The following QSER1 variants were observed in gnomAD, a reference collection of about 807,000 sequenced individuals.
QSER1 encodes the protein glutamine and serine rich 1, also known as glutamine and serine-rich protein 1.
QSER1 carries 49 observed loss-of-function variants against 158.5 expected under a neutral mutation model. That is an observed-to-expected ratio of 0.31 (90% CI 0.25 to 0.39). The LOEUF is 0.39. Among genes scored for constraint, QSER1 ranks in the 10% least tolerant of loss-of-function variants. QSER1 has a pLI of 1.00. For missense variants in QSER1, 1,754 were observed against 2,010.3 expected, an observed-to-expected ratio of 0.87 and a Z score of 2.44; for synonymous variants, 650 against 715.5, an observed-to-expected ratio of 0.91 and a Z score of 1.46.
intron 1 of QSER1, among the ~76,000 whole-genome samples, chr11:32,915,671 A>G (rs1851821847): frequency 6.6e-6 from 1 of 152,232 alleles, no homozygotes; most frequent in African/African-American, 2.4e-5. Context: ...ATTAAAAAAT[A>G]AACAATCTCA....
Position 32,976,631 on chromosome 11 carries a change from C to T in QSER1, c.*157C>T. On this transcript the variant is annotated 3_prime_UTR_variant, in exon 13 of 13. Coordinates refer to ENST00000650167, the MANE Select transcript of QSER1 (RefSeq NM_001076786.3). ...CTCTGCTGAAGGACAGTGGTGCGGC[C>T]TTTAGGAACGAAGTTAGTCCTCTGG... 6 of 749,566 alleles carry T rather than the reference C, an allele frequency of 8.0e-6. No homozygotes were observed. Among genetic ancestry groups the T allele is most frequent in the Non-Finnish European group, 1.3e-5 (6 of 461,472 alleles). 46.4% of individuals were successfully genotyped at this position (749,566 alleles called of 1,614,324 possible).
intron 1 of QSER1, among the ~76,000 whole-genome samples, chr11:32,905,678 G>A (rs1261935566): frequency 6.6e-6 from 1 of 152,068 alleles, no homozygotes; most frequent in Non-Finnish European, 1.5e-5. Context: ...GTAATGATTA[G>A]AATTGTTTCT....
intron 4 of QSER1, among the ~76,000 whole-genome samples, chr11:32,939,996 T>G (rs1852207089): frequency 6.8e-6 from 1 of 147,272 alleles, no homozygotes; most frequent in African/African-American, 2.5e-5. Context: ...GGCTTTGACA[T>G]AATTCTCTGC....
At chr11:32,973,059 T>C (rs1374473480) in intron 10 of QSER1, among the ~76,000 whole-genome samples, 2 of 152,236 alleles carry the variant, frequency 1.3e-5, no homozygotes, top group Non-Finnish European at 2.9e-5. Flanking sequence ...AAAGAACTCT[T>C]GGCCCTGTTA....
intron 8 of QSER1, among the ~76,000 whole-genome samples, chr11:32,959,890 T>C (rs1852590749): frequency 6.6e-6 from 1 of 151,934 alleles, no homozygotes; most frequent in South Asian, 2.1e-4. Flanking sequence ...GCCTCCTGAG[T>C]AGCTGGGACT....
chr11:32,967,675 C>T (rs1215446763), intron 9 of QSER1, among the ~76,000 whole-genome samples: 1 of 152,084 alleles, frequency 6.6e-6, no homozygotes, highest in African/African-American at 2.4e-5. Flanking sequence ...CTTAGACAGC[C>T]ATTTTGTGGA....
At position 32,932,370 on chromosome 11, in the gene QSER1, C is replaced by T. The variant is rs748950539; in HGVS notation, c.1112C>T (p.Thr371Ile). 11 of 1,612,422 alleles carry T rather than the reference C, an allele frequency of 6.8e-6. No homozygotes were observed. The highest frequency in any genetic ancestry group is 2.2e-5 in the East Asian group (1 of 44,888). The change falls in exon 4 of 13, where the codon ACT becomes ATT. Residue 371 changes from threonine (T) to isoleucine (I), a missense_variant. Thr to Ile is a moderately conservative substitution (Grantham distance 89). Around this residue, in one of 2 missense-constraint regions of QSER1, gnomAD observed 1,707 missense variants for 1,919.6 expected, o/e 0.89. Transcript: ENST00000650167. ...TCCTGTAGCCCAATTGGAGATTCCA[C>T]TCAGGTGAGCAACGGAGGATTACAA... Reference protein sequence around the residue: ...SLSCSPIGDSTQVSNGGLQQK... With the variant: ...SLSCSPIGDSIQVSNGGLQQK...
At chr11:32,928,780 A>T (rs1238938097) in intron 3 of QSER1, among the ~76,000 whole-genome samples, 1 of 152,140 alleles carries the variant, frequency 6.6e-6, no homozygotes, top group Non-Finnish European at 1.5e-5. Context: ...TAGGTATAGG[A>T]AATAGTATTT....
At chr11:32,968,120 G>T (rs895295293) in intron 9 of QSER1, among the ~76,000 whole-genome samples, 1 of 152,112 alleles carries the variant, frequency 6.6e-6, no homozygotes, top group Non-Finnish European at 1.5e-5. Flanking sequence ...TCTAAGGGGA[G>T]AAAATTTTTT....
In QSER1 at chr11:32,932,032, T is replaced by A. The variant is rs752627762; in HGVS notation, c.774T>A (p.Pro258=). Residue 258 remains proline, a synonymous_variant, in exon 4 of 13, where the codon CCT becomes CCA. Coordinates refer to ENST00000650167, the MANE Select transcript of QSER1 (RefSeq NM_001076786.3). ...CTGTATTAAGTAACAGCATACCACC[T>A]CAGTCTTCAACATACCGCTCAGCTC... ...GSSVLSNSIP[P]QSSTYRSAQE... 5 of 1,614,224 alleles carry A rather than the reference T, an allele frequency of 3.1e-6. No homozygotes were observed. In the South Asian group the frequency reaches 5.5e-5, roughly 18 times the overall value.
At chr11:32,945,441 A>G (rs1852313892) in intron 4 of QSER1, among the ~76,000 whole-genome samples, 1 of 151,400 alleles carries the variant, frequency 6.6e-6, no homozygotes, top group Non-Finnish European at 1.5e-5. Flanking sequence ...GGTGGTGACA[A>G]AAGCTCTCAG....
intron 8 of QSER1, among the ~76,000 whole-genome samples, chr11:32,961,651 C>T (rs991261674): frequency 6.6e-6 from 1 of 152,242 alleles, no homozygotes; most frequent in African/African-American, 2.4e-5. Context: ...TACTGGTAAC[C>T]TCTAATCTGT....
chr11:32,976,474 A>ACTT lies in QSER1; in HGVS notation c.*1_*3dup, dbSNP rs747459202. ...ATCATGTACAGCAGAAATGTTCCTG[A>ACTT]CTTTTCCACAAAAATCCCATCTTTT... On this transcript the variant is annotated 3_prime_UTR_variant, in exon 13 of 13. Coordinates refer to ENST00000650167, the MANE Select transcript of QSER1 (RefSeq NM_001076786.3). 2.4e-5 allele frequency: 39 copies of ACTT among 1,609,490 alleles called. No individual in the cohort carries two copies. In the African/African-American group the frequency reaches 4.7e-4, roughly 19 times the overall value.
At chr11:32,910,511 T>C (rs1305279923) in intron 1 of QSER1, among the ~76,000 whole-genome samples, 1 of 152,228 alleles carries the variant, frequency 6.6e-6, no homozygotes, top group Non-Finnish European at 1.5e-5. Flanking sequence ...GACACTTGTA[T>C]GCGGTTTAAT....
chr11:32,925,934 A>T (rs1045714851), intron 1 of QSER1: 1 of 152,172 alleles, frequency 6.6e-6, no homozygotes, highest in African/African-American at 2.4e-5. Flanking sequence ...ATGCAATAAG[A>T]AGTACACAAC....
At chr11:32,902,207 A>G (rs1446552067) in intron 1 of QSER1, among the ~76,000 whole-genome samples, 1 of 152,204 alleles carries the variant, frequency 6.6e-6, no homozygotes, top group Non-Finnish European at 1.5e-5. Flanking sequence ...CTTCCCTGAG[A>G]TCTGAGGAAG....
At chr11:32,957,134 CTTTTTTTTTT>C (rs548632242) in intron 7 of QSER1, among the ~76,000 whole-genome samples, 8 of 127,874 alleles carry the variant, frequency 6.3e-5, no homozygotes, top group East Asian at 4.4e-4. Context: ...CTTTTTTTTT[CTTTTTTTTTT>C]TTTTTTCTTT....
At position 32,977,284 on chromosome 11, in the gene QSER1, T is replaced by G. The variant is rs548993370; in HGVS notation, c.*810T>G. On this transcript the variant is annotated 3_prime_UTR_variant, in exon 13 of 13. Coordinates refer to ENST00000650167, the MANE Select transcript of QSER1 (RefSeq NM_001076786.3). ...TATCTCTACAACACCTTTTGTTATT[T>G]TCAGTAAATCTTAGTTATATGTTGA... 6 of 152,764 alleles carry G rather than the reference T, an allele frequency of 3.9e-5. No homozygotes were observed. In the South Asian group the frequency reaches 1.2e-3, roughly 32 times the overall value. The allele number at this position is 152,764 out of a possible 1,614,324, so 9.5% of individuals were successfully genotyped here.
At chr11:32,914,112 A>G (rs7104368) in intron 1 of QSER1, among the ~76,000 whole-genome samples, 35,692 of 152,168 alleles carry the variant, frequency 0.23, 5,276 homozygotes, top group African/African-American at 0.41. Context: ...AGAGTTCCAC[A>G]CAGATTTAAT....
Sources: gnomAD v4.1 joint callset for allele counts (sites outside exome capture counted in the v4.1 genomes callset) on GRCh38, gnomAD v4.1.1 for gene constraint, gnomAD v4.1.1 regional missense constraint, MANE v1.5 for transcripts, NCBI Gene and HGNC (gene_info 2026-07-23, HGNC 2026-07-21) for gene names.